The following PDE1C variants were observed in gnomAD, a reference collection of about 807,000 sequenced individuals.
PDE1C encodes dual specificity calcium/calmodulin-dependent 3',5'-cyclic nucleotide phosphodiesterase 1C.
PDE1C carries 62 observed loss-of-function variants against 93.1 expected under a neutral mutation model. The ratio of observed to expected loss-of-function variants is 0.67; its 90% confidence interval spans 0.54 to 0.82. The LOEUF is 0.82. Ranked by LOEUF, PDE1C falls within the 40% of genes least tolerant of loss-of-function variation. PDE1C has a pLI of 0.00. For synonymous variants in PDE1C, 325 were observed against 310.1 expected, an observed-to-expected ratio of 1.05 and a Z score of -0.50; for missense variants, 742 against 884.6, an observed-to-expected ratio of 0.84 and a Z score of 2.04.
the PDE1C span, among the ~76,000 whole-genome samples, chr7:31,619,303 C>T: frequency 2.0e-5 from 3 of 152,208 alleles, no homozygotes; most frequent in East Asian, 5.8e-4. Flanking sequence ...AAAGAAAGGT[C>T]CATAAAGTTA....
chr7:32,379,212 C>T (rs1017243710), intron 1 of PDE1C, among the ~76,000 whole-genome samples: 25 of 152,190 alleles, frequency 1.6e-4, no homozygotes, highest in African/African-American at 5.8e-4. Context: ...CCCTTGAGGG[C>T]ATGTTGATTC....
chr7:31,699,565 G>T, the PDE1C span, among the ~76,000 whole-genome samples: 7 of 152,020 alleles, frequency 4.6e-5, no homozygotes, highest in African/African-American at 7.2e-5. Flanking sequence ...CATACTAGAG[G>T]TTTGCAGTGT....
chr7:31,841,227 C>CTCTCTCTCTCTATA (rs751320538), intron 9 of PDE1C, among the ~76,000 whole-genome samples: 2,429 of 142,226 alleles, frequency 0.017, 31 homozygotes, highest in African/African-American at 0.037. Context: ...CTCTCTCTCT[C>CTCTCTCTCTCTATA]TATATATATA....
At chr7:32,070,739 C>A (rs995999151), upstream of PDE1C, 6 of 1,107,770 alleles carry the variant, frequency 5.4e-6, no homozygotes, top group African/African-American at 8.3e-5. Context: ...CCCCTACCCC[C>A]AAACAAAGCC....
intron 2 of PDE1C, among the ~76,000 whole-genome samples, chr7:32,200,549 C>G (rs1258173493): frequency 6.6e-6 from 1 of 152,178 alleles, no homozygotes; most frequent in Admixed American, 6.5e-5. Context: ...TGATGCGTAA[C>G]AGATCACACC....
At chr7:32,086,827 T>A (rs1327786082) in intron 3 of PDE1C, among the ~76,000 whole-genome samples, 2 of 152,142 alleles carry the variant, frequency 1.3e-5, no homozygotes, top group African/African-American at 4.8e-5. Flanking sequence ...CTGGATCCCT[T>A]CCTTGCACCT....
rs990120769 is a variant in PDE1C at position 32,345,631 on chromosome 7, T to TA, written c.310+82190dup. 1.6e-3 allele frequency among the ~76,000 whole-genome samples: 241 copies of TA among 152,194 alleles called. 1 individual carries two copies. The highest frequency in any genetic ancestry group is 6.8e-3 in the Middle Eastern group (2 of 294). ...AATGACTTGTATTCAGAAGACATTT[T>TA]AAAAAATCTTACAAGCCAATAAGAT... On this transcript the variant is annotated intron_variant, in intron 1 of 1. Transcript: ENST00000672256.
At chr7:32,105,408 T>C (rs1798248036) in intron 3 of PDE1C, among the ~76,000 whole-genome samples, 1 of 149,882 alleles carries the variant, frequency 6.7e-6, no homozygotes, top group Non-Finnish European at 1.5e-5. Context: ...AAGGTGGAAA[T>C]GGAAAATTGG....
At position 32,088,144 on chromosome 7, in the gene PDE1C, G is replaced by A. The variant is rs139195976; in HGVS notation, c.308+81641C>T. On this transcript the variant is annotated intron_variant, in intron 3 of 18. Coordinates refer to the PDE1C transcript ENST00000396193. ...GCCTACCTTCCACCATTACTGTCTC[G>A]CACTGGAAACCACTACTAATAAATG... Among the ~76,000 whole-genome samples the A allele has an allele frequency of 5.0e-3, 753 of 151,620 alleles. 2 individuals carry two copies. Among genetic ancestry groups the A allele is most frequent in the African/African-American group, 0.016 (672 of 41,272 alleles).
intron 1 of PDE1C, among the ~76,000 whole-genome samples, chr7:32,254,382 C>G (rs11761481): frequency 6.6e-6 from 1 of 152,014 alleles, no homozygotes; most frequent in Non-Finnish European, 1.5e-5. Flanking sequence ...CATGAGAAGG[C>G]ACAGAACTTT....
At chr7:31,736,680 T>C in the PDE1C span, among the ~76,000 whole-genome samples, 1 of 152,220 alleles carries the variant, frequency 6.6e-6, no homozygotes, top group Non-Finnish European at 1.5e-5. Flanking sequence ...TGATCCTTCA[T>C]GCAAGGTTGA....
Position 32,223,620 on chromosome 7 carries a change from C to T in PDE1C, c.86-14081G>A, listed in dbSNP as rs76896982. Among the ~76,000 whole-genome samples, 1,456 of 152,298 alleles carry T rather than the reference C, an allele frequency of 9.6e-3. 21 individuals carry two copies. Among genetic ancestry groups the T allele is most frequent in the African/African-American group, 0.032 (1,345 of 41,542 alleles). Reference sequence around the variant, plus strand: ...TCAATATCTAGAATTAGCCTATTTACTCATGTGCTTACATATTTCTCCATC... The same window carrying T: ...TCAATATCTAGAATTAGCCTATTTATTCATGTGCTTACATATTTCTCCATC... On this transcript the variant is annotated intron_variant, in intron 1 of 18. Transcript: ENST00000396193.
chr7:32,157,594 T>G (rs1342958990), intron 3 of PDE1C, among the ~76,000 whole-genome samples: 1 of 152,070 alleles, frequency 6.6e-6, no homozygotes, highest in African/African-American at 2.4e-5. Flanking sequence ...TTGGTGAAAT[T>G]TGAACACAGA....
intron 2 of PDE1C, among the ~76,000 whole-genome samples, chr7:32,189,431 A>C (rs747212638): frequency 6.6e-6 from 1 of 152,220 alleles, no homozygotes; most frequent in Non-Finnish European, 1.5e-5. Context: ...CCCCAAAATT[A>C]AGTGAAAATT....
At chr7:31,925,411 A>G (rs1304221017) in intron 2 of PDE1C, among the ~76,000 whole-genome samples, 1 of 152,188 alleles carries the variant, frequency 6.6e-6, no homozygotes, top group Non-Finnish European at 1.5e-5. Flanking sequence ...CACATACAAT[A>G]AAGTTCCATT....
At chr7:32,301,910 T>C (rs1170994888), upstream of PDE1C, among the ~76,000 whole-genome samples, 1 of 152,246 alleles carries the variant, frequency 6.6e-6, no homozygotes, top group African/African-American at 2.4e-5. Flanking sequence ...ACAGCTTTTA[T>C]ATTTTTAAGT....
chr7:32,383,662 TGG>T lies in PDE1C; in HGVS notation c.310+44158_310+44159del, dbSNP rs1784572834. On this transcript the variant is annotated intron_variant, in intron 1 of 1. Coordinates refer to the PDE1C transcript ENST00000672256. ...AATGCTGGATGGATGGATGGATGGA[TGG>T]ATGCATGGATGGATGGAAGGATGGA... 4.0e-5 allele frequency among the ~76,000 whole-genome samples: 6 copies of T among 151,690 alleles called. 1 individual carries two copies. The South Asian group carries it at 1.3e-3, about 32-fold the overall frequency.
At chr7:31,786,989 T>C (rs1784072396) in intron 16 of PDE1C, 1 of 150,094 alleles carries the variant, frequency 6.7e-6, no homozygotes, top group Non-Finnish European at 1.5e-5. Context: ...CCTACCTACC[T>C]ATCTAAGGAA....
chr7:32,084,710 A>G (rs199692642), intron 3 of PDE1C, among the ~76,000 whole-genome samples: 60,924 of 109,934 alleles, frequency 0.55, 18,803 homozygotes, highest in African/African-American at 0.68. Context: ...ACTCAAAACC[A>G]CTCAACTACA....
Sources: allele counts gnomAD v4.1 joint callset (sites outside exome capture counted in the v4.1 genomes callset), GRCh38; gene constraint gnomAD v4.1.1; transcripts MANE v1.5; gene names NCBI Gene and HGNC (gene_info 2026-07-23, HGNC 2026-07-21).